Variants in SLCO4A1 observed in about 807,000 individuals in gnomAD.
The protein encoded by SLCO4A1 is solute carrier organic anion transporter family member 4A1, also known as colon organic anion transporter.
Under a neutral mutation model 64.6 loss-of-function variants are expected in SLCO4A1, and 51 were observed. The observed-to-expected ratio is 0.79, with a 90% confidence interval of 0.63 to 1.00. The LOEUF (loss-of-function observed/expected upper bound fraction) is 1.00, where lower values mean the gene tolerates loss of function less well. SLCO4A1 is among the 50% of genes least tolerant of loss of function. SLCO4A1 has a pLI of 0.00. For missense variants in SLCO4A1, 919 were observed against 980.5 expected, an observed-to-expected ratio of 0.94 and a Z score of 0.84; for synonymous variants, 471 against 444.9, an observed-to-expected ratio of 1.06 and a Z score of -0.74.
Position 62,657,012 on chromosome 20 carries a change from G to A in SLCO4A1, c.558G>A (p.Val186=). The change falls in exon 2 of 12, where the codon GTG becomes GTA. Residue 186 remains valine, a synonymous_variant. Coordinates refer to ENST00000217159, the MANE Select transcript of SLCO4A1 (RefSeq NM_016354.4). ...GVLLMGTGSL[V]FALPHFTAGR... The stretch of plus-strand genomic sequence containing the variant: ...TGCTTATGGGCACGGGGTCGCTGGT[G>A]TTCGCGCTGCCCCACTTCACGGCTG... 6.3e-7 allele frequency: 1 copy of A among 1,581,290 alleles called. No homozygotes were observed. Among genetic ancestry groups the A allele is most frequent in the Non-Finnish European group, 8.6e-7 (1 of 1,159,758 alleles).
chr20:62,670,701 C>T lies in SLCO4A1; in HGVS notation c.2026-1049C>T, dbSNP rs532708436. 2.8e-4 allele frequency among the ~76,000 whole-genome samples: 43 copies of T among 152,356 alleles called. 1 individual carries two copies. The highest frequency in any genetic ancestry group is 1.1e-3 in the Admixed American group (17 of 15,306). ...AGCAGCAGGCTGAGAGCCCTCCACA[C>T]GCAGCCATCCCCTGGGCTCAGCACA... On this transcript the variant is annotated intron_variant, in intron 11 of 11. Transcript: ENST00000217159.
At chr20:62,681,437 C>T (rs919949110) in intron 2 of SLCO4A1, among the ~76,000 whole-genome samples, 4 of 150,646 alleles carry the variant, frequency 2.7e-5, no homozygotes, top group African/African-American at 7.4e-5. Context: ...TGTACACACT[C>T]GTGTGTGTGT....
At position 62,654,546 on chromosome 20, in the gene SLCO4A1, A is replaced by G. The variant is rs1407721634; in HGVS notation, c.-96-1813A>G. 2.0e-5 allele frequency among the ~76,000 whole-genome samples: 3 copies of G among 152,300 alleles called. No individual in the cohort carries two copies. The East Asian group carries it at 5.8e-4, about 29-fold the overall frequency. On this transcript the variant is annotated intron_variant, in intron 1 of 11. Transcript: ENST00000217159. Reference sequence around the variant, plus strand: ...TCTGCGCGTCGCCGGCTGTGGCTGGAAGGAGACCCCAAGGCCGGATACTTA... The same window carrying G: ...TCTGCGCGTCGCCGGCTGTGGCTGGGAGGAGACCCCAAGGCCGGATACTTA...
Position 62,685,387 on chromosome 20 carries a change from G to T in SLCO4A1, n.212-54G>T. 1.1e-6 allele frequency: 1 copy of T among 951,394 alleles called. No individual in the cohort carries two copies. Among genetic ancestry groups the T allele is most frequent in the Non-Finnish European group, 1.3e-6 (1 of 798,810 alleles). The allele number at this position is 951,394 out of a possible 1,614,324, so 58.9% of individuals were successfully genotyped here. On this transcript the variant is annotated intron_variant and non_coding_transcript_variant, in intron 2 of 2. Coordinates refer to the SLCO4A1 transcript ENST00000466818. This position sits in a 1 kb window ranked among gnomAD's most constrained non-coding sequence, Gnocchi z 4.6. ...TGCACCCGCTCCCTTCCACTCTGCT[G>T]TGGCCTGACCAAGCGGGCTGTTTTC...
At chr20:62,677,729 G>A (rs1388583545) in intron 2 of SLCO4A1, among the ~76,000 whole-genome samples, 7 of 152,240 alleles carry the variant, frequency 4.6e-5, no homozygotes, top group Non-Finnish European at 1.0e-4. Context: ...GGAGTGCCTC[G>A]TGGCAGAGGT....
downstream of SLCO4A1, among the ~76,000 whole-genome samples, chr20:62,688,698 C>A (rs1208820601): frequency 6.6e-6 from 1 of 152,192 alleles, no homozygotes; most frequent in Admixed American, 6.5e-5. Context: ...CCCACTCCAG[C>A]AAACCCGGTC....
intron 11 of SLCO4A1, among the ~76,000 whole-genome samples, 164 bp downstream of exon 11, chr20:62,669,242 T>A (rs1337846201): frequency 6.6e-6 from 1 of 152,204 alleles, no homozygotes; most frequent in Non-Finnish European, 1.5e-5. Context: ...GAGTTGGTTG[T>A]GGGGAGAGGC....
intron 2 of SLCO4A1, among the ~76,000 whole-genome samples, chr20:62,679,718 T>G (rs934061501): frequency 7.2e-5 from 11 of 152,236 alleles, no homozygotes; most frequent in African/African-American, 2.6e-4. Flanking sequence ...AAAAATAAAA[T>G]CAAAAACACT....
chr20:62,683,556 C>T, intron 2 of SLCO4A1, among the ~76,000 whole-genome samples: 1 of 152,160 alleles, frequency 6.6e-6, no homozygotes, highest in East Asian at 1.9e-4. Context: ...ACCACAGGGT[C>T]CCGTACAATA....
chr20:62,670,393 C>A, intron 11 of SLCO4A1, among the ~76,000 whole-genome samples: 1 of 152,236 alleles, frequency 6.6e-6, no homozygotes, highest in African/African-American at 2.4e-5. Context: ...GTTCCCACAT[C>A]CCCCATCACC....
At chr20:62,647,667 A>C (rs1601605571) in intron 1 of SLCO4A1, among the ~76,000 whole-genome samples, 1 of 152,264 alleles carries the variant, frequency 6.6e-6, no homozygotes, top group East Asian at 1.9e-4. Flanking sequence ...AGCGCTTTGC[A>C]GGGAGCCAGG....
Position 62,671,752 on chromosome 20 carries a change from G to A in SLCO4A1, c.2028G>A (p.Val676=). The change falls in exon 12 of 12, where the codon GTG becomes GTA. Residue 676 remains valine (V), a splice_region_variant and synonymous_variant. Coordinates refer to ENST00000217159, the MANE Select transcript of SLCO4A1 (RefSeq NM_016354.4). ...YILIMGLLYK[V]LGVLFFAIAC... ...CCAGCGGGCTCCTCTCTCCCCAGGT[G>A]CTGGGCGTCCTCTTCTTTGCCATAG... 2 of 1,612,908 alleles carry A rather than the reference G, an allele frequency of 1.2e-6. No individual in the cohort carries two copies. Among genetic ancestry groups the A allele is most frequent in the Non-Finnish European group, 1.7e-6 (2 of 1,179,522 alleles).
chr20:62,677,295 A>C (rs1000625109), intron 2 of SLCO4A1, among the ~76,000 whole-genome samples: 3 of 152,232 alleles, frequency 2.0e-5, no homozygotes, highest in African/African-American at 4.8e-5. Context: ...GATGTGACTT[A>C]TATCTCAGTA....
In SLCO4A1 at chr20:62,672,050, A is replaced by G. The variant is rs1440838567; in HGVS notation, c.*157A>G. On this transcript the variant is annotated 3_prime_UTR_variant, in exon 12 of 12. Transcript: ENST00000217159. ...GTCGGCTGTGACCTCCTGTCCCCAG[A>G]GCTGTACGGCCCTGCAGTGGGTGGG... 6.5e-7 allele frequency: 1 copy of G among 1,540,832 alleles called. No homozygotes were observed. Among genetic ancestry groups the G allele is most frequent in the East Asian group, 2.4e-5 (1 of 41,656 alleles).
downstream of SLCO4A1, among the ~76,000 whole-genome samples, chr20:62,689,136 C>G (rs1208190850): frequency 6.6e-6 from 1 of 152,244 alleles, no homozygotes; most frequent in Non-Finnish European, 1.5e-5. Flanking sequence ...TTTTCCCTGG[C>G]CTGCACGTGG....
chr20:62,668,930 G>A lies in SLCO4A1; in HGVS notation c.1877G>A (p.Gly626Glu). 6 of 1,602,686 alleles carry A rather than the reference G, an allele frequency of 3.7e-6. No individual in the cohort carries two copies. The highest frequency in any genetic ancestry group is 5.1e-6 in the Non-Finnish European group (6 of 1,179,738). Residue 626 changes from glycine to glutamate, a missense_variant and splice_region_variant, in exon 11 of 12, where the codon GGG becomes GAG. By Grantham distance (98) the Gly-to-Glu change is moderately conservative. Coordinates refer to ENST00000217159, the MANE Select transcript of SLCO4A1 (RefSeq NM_016354.4). ...GIQWIVVRIL[G>E]GIPGPIAFGW... ...GTGCTGAGTGGGCTTCTCTCCGCAG[G>A]GGGCATCCCGGGGCCCATCGCCTTC...
At chr20:62,658,909 G>A (rs1984266401) in intron 3 of SLCO4A1, 142 bp downstream of exon 3, 2 of 699,016 alleles carry the variant, frequency 2.9e-6, no homozygotes, top group Non-Finnish European at 4.9e-6. Flanking sequence ...GGGAGTCAAG[G>A]CTGGCCTTGG....
rs751897294 is a variant in SLCO4A1 at position 62,657,091 on chromosome 20, G to C, written c.637G>C (p.Gly213Arg). Residue 213 changes from glycine to arginine, a missense_variant, in exon 2 of 12, where the codon GGC becomes CGC. Transcript: ENST00000217159. ...AGVRTCPANP[G>R]AVCADSTSGL... The stretch of plus-strand genomic sequence containing the variant: ...TGTCAGGACGTGCCCTGCCAACCCC[G>C]GCGCGGTGTGTGCGGACAGCACCTC... 3 of 1,600,598 alleles carry C rather than the reference G, an allele frequency of 1.9e-6. No homozygotes were observed. The highest frequency in any genetic ancestry group is 2.6e-6 in the Non-Finnish European group (3 of 1,175,594).
rs974323905 is a variant in SLCO4A1, at chr20:62,668,362, T to C, written c.1812-115T>C. ...TGATCTCTGACGAGGGGCTTCCCAC[T>C]TGGGGGGGGGTGATGATGTGGCTGG... On this transcript the variant is annotated intron_variant, in intron 9 of 11. Transcript: ENST00000217159. 6.9e-6 allele frequency: 9 copies of C among 1,298,188 alleles called. No homozygotes were observed. In the African/African-American group the frequency reaches 9.3e-5, roughly 13 times the overall value. 80.4% of individuals were successfully genotyped at this position (1,298,188 alleles called of 1,614,324 possible).
Sources: allele counts gnomAD v4.1 joint callset (sites outside exome capture counted in the v4.1 genomes callset), GRCh38; gene constraint gnomAD v4.1.1; non-coding constraint Gnocchi (gnomAD v3.1); transcripts MANE v1.5; gene names NCBI Gene and HGNC (gene_info 2026-07-23, HGNC 2026-07-21).